ATP2B3: variants seen among roughly 807,000 people sequenced by gnomAD.
ATP2B3 encodes the protein plasma membrane calcium-transporting ATPase 3.
ATP2B3 carries 12 observed loss-of-function variants against 70.8 expected under a neutral mutation model. That is an observed-to-expected ratio of 0.17 (90% CI 0.11 to 0.27). The LOEUF is 0.27. ATP2B3 is among the 10% of genes least tolerant of loss of function. ATP2B3 has a pLI of 1.00. For missense variants in ATP2B3, 858 were observed against 1,118.5 expected, an observed-to-expected ratio of 0.77 and a Z score of 3.32; for synonymous variants, 460 against 497.8, an observed-to-expected ratio of 0.92 and a Z score of 1.01.
chrX:153,521,107 C>T (rs782656386), intron 2 of ATP2B3, among the ~76,000 whole-genome samples: 9 of 113,217 alleles, frequency 7.9e-5, no homozygotes, highest in Admixed American at 1.9e-4. Flanking sequence ...CCCTCTAAGC[C>T]TCTTGCTGTG....
intron 3 of ATP2B3, among the ~76,000 whole-genome samples, chrX:153,539,316 G>A (rs1439068212): frequency 8.9e-6 from 1 of 112,709 alleles, no homozygotes; most frequent in Non-Finnish European, 1.9e-5. Context: ...GAGGCCTTTG[G>A]CTCCTGAAGA....
At chrX:153,542,021 C>T (rs2090290161) in intron 5 of ATP2B3, 95 bp downstream of exon 5, 1 of 1,064,113 alleles carries the variant, frequency 9.4e-7, no homozygotes, top group Non-Finnish European at 1.2e-6. Flanking sequence ...CAGGTTCTCC[C>T]CGGTGGCCTG....
At chrX:153,553,477 C>A (rs1415684268) in intron 13 of ATP2B3, among the ~76,000 whole-genome samples, 1 of 112,088 alleles carries the variant, frequency 8.9e-6, no homozygotes, top group African/African-American at 3.2e-5. Flanking sequence ...GACCTATGGG[C>A]CCAGCTCAGG....
chrX:153,560,946 C>A, intron 19 of ATP2B3, 59 bp downstream of exon 19: 1 of 1,168,355 alleles, frequency 8.6e-7, no homozygotes, highest in Non-Finnish European at 1.2e-6. Context: ...AGGTGGTGGG[C>A]TTCAAGACCC....
At chrX:153,553,310 C>T (rs1557012401) in intron 13 of ATP2B3, 41 bp downstream of exon 13, 1 of 1,135,234 alleles carries the variant, frequency 8.8e-7, no homozygotes, top group Admixed American at 2.2e-5. Context: ...GGTAACTGTG[C>T]CCTCTGCCCG....
chrX:153,539,293 C>A (rs181591768), intron 3 of ATP2B3, among the ~76,000 whole-genome samples: 2 of 112,377 alleles, frequency 1.8e-5, no homozygotes, highest in Admixed American at 1.9e-4. Flanking sequence ...GGGGCAGGCT[C>A]GGGCCTCAGC....
intron 13 of ATP2B3, 133 bp downstream of exon 13, chrX:153,553,402 G>C: frequency 1.8e-6 from 1 of 544,013 alleles, no homozygotes; most frequent in Non-Finnish European, 2.9e-6. Context: ...GCCCCGTCCT[G>C]GGTGCTCTCA....
rs1487303591 is a variant in ATP2B3 at position 153,518,187 on chromosome X, C to T, written c.-246-245C>T. Reference sequence around the variant, plus strand: ...CCCTTGGGGGCTGCGGGCCGGGGCTCAGGGTGGGCGCAGCCGGGGGCGCGG... The same window carrying T: ...CCCTTGGGGGCTGCGGGCCGGGGCTTAGGGTGGGCGCAGCCGGGGGCGCGG... On this transcript the variant is annotated intron_variant, in intron 1 of 21. Coordinates refer to ENST00000263519, the MANE Select transcript of ATP2B3 (RefSeq NM_001001344.3). Among the ~76,000 whole-genome samples, 12 of 112,881 alleles carry T rather than the reference C, an allele frequency of 1.1e-4. No homozygotes were observed. In the South Asian group the frequency reaches 4.2e-3, roughly 40 times the overall value.
At chrX:153,549,052 G>C (rs1259837197) in intron 10 of ATP2B3, among the ~76,000 whole-genome samples, 198 bp downstream of exon 10, 1 of 109,364 alleles carries the variant, frequency 9.1e-6, no homozygotes, top group Non-Finnish European at 1.9e-5. Flanking sequence ...GGGCCAGAAA[G>C]CAGGCAGGCG....
chrX:153,565,792 G>A (rs2090698245), intron 21 of ATP2B3, among the ~76,000 whole-genome samples: 1 of 112,348 alleles, frequency 8.9e-6, no homozygotes, highest in African/African-American at 3.2e-5. Context: ...ACCCCTCCCT[G>A]GAACTCTCTT....
rs1312314070 is a variant in ATP2B3, at chrX:153,578,433, C to T, written c.3343-1545C>T. ...GCGGCTGTGCTGACACTGGCCTGTG[C>T]GAGGCCAGGCAGAGGCCTCCCCATC... On this transcript the variant is annotated intron_variant, in intron 21 of 21. Coordinates refer to ENST00000263519, the MANE Select transcript of ATP2B3 (RefSeq NM_001001344.3). 1.2e-4 allele frequency among the ~76,000 whole-genome samples: 14 copies of T among 112,829 alleles called. No individual in the cohort carries two copies. In the East Asian group the frequency reaches 1.7e-3, roughly 14 times the overall value.
In ATP2B3 at chrX:153,580,040, G is replaced by A. The variant is rs781892018; in HGVS notation, c.3405G>A (p.Lys1135=). 8.3e-7 allele frequency: 1 copy of A among 1,209,888 alleles called. No individual in the cohort carries two copies. The highest frequency in any genetic ancestry group is 1.8e-5 in the African/African-American group (1 of 57,050). The change falls in exon 22 of 22, where the codon AAG becomes AAA. Residue 1135 remains lysine, a synonymous_variant. Transcript: ENST00000263519. ...AAGGCCTGGAGAAACCAGAATCCAAGACCTCCATTCACAACTTCATGGCCA... is the reference window on the plus strand; with the variant it reads ...AAGGCCTGGAGAAACCAGAATCCAAAACCTCCATTCACAACTTCATGGCCA... The part of the protein sequence containing the change: ...LYEGLEKPES[K]TSIHNFMATP...
chrX:153,526,866 A>G (rs782277030), intron 2 of ATP2B3, among the ~76,000 whole-genome samples: 1 of 111,862 alleles, frequency 8.9e-6, no homozygotes, highest in African/African-American at 3.3e-5. Context: ...ACACCAATGC[A>G]TCCCCCCAGC....
chrX:153,569,534 C>A, intron 21 of ATP2B3: 1 of 1,155,427 alleles, frequency 8.7e-7, no homozygotes, highest in Non-Finnish European at 1.2e-6. Flanking sequence ...TATCCTCGCC[C>A]AGCCCTCCCC....
At position 153,549,589 on chromosome X, in the gene ATP2B3, G is replaced by A. The variant is rs782466722; in HGVS notation, c.1431G>A (p.Thr477=). The A allele has an allele frequency of 3.0e-5, 36 of 1,210,953 alleles. No homozygotes were observed. The Admixed American group carries it at 3.3e-4, about 11-fold the overall frequency. ...CCATCTGCTCCGACAAGACGGGCAC[G>A]CTCACCACCAACCGTATGACCGTGG... The part of the protein sequence containing the change: ...ATAICSDKTG[T]LTTNRMTVVQ... Residue 477 remains threonine, a synonymous_variant, in exon 11 of 22, where the codon ACG becomes ACA. Coordinates refer to ENST00000263519, the MANE Select transcript of ATP2B3 (RefSeq NM_001001344.3).
At chrX:153,572,763 C>G (rs2090807764) in intron 21 of ATP2B3, among the ~76,000 whole-genome samples, 1 of 111,737 alleles carries the variant, frequency 8.9e-6, no homozygotes, top group Non-Finnish European at 1.9e-5. Context: ...CACACTCACA[C>G]ACCGAGGCCA....
In ATP2B3 at chrX:153,570,994, G is replaced by A. The variant is rs930346384; in HGVS notation, c.3342+5891G>A. 1.0e-4 allele frequency among the ~76,000 whole-genome samples: 8 copies of A among 77,342 alleles called. No individual in the cohort carries two copies. The South Asian group carries it at 2.7e-3, about 26-fold the overall frequency. 67.2% of individuals were successfully genotyped at this position (77,342 alleles called of 115,157 possible). On this transcript the variant is annotated intron_variant, in intron 21 of 21. Coordinates refer to ENST00000263519, the MANE Select transcript of ATP2B3 (RefSeq NM_001001344.3). ...CCTGTCCCCCTTGGGAACAGAGCACGTGCGCGCGTACACACACACACACAC... is the reference window on the plus strand; with the variant it reads ...CCTGTCCCCCTTGGGAACAGAGCACATGCGCGCGTACACACACACACACAC...
intron 2 of ATP2B3, among the ~76,000 whole-genome samples, chrX:153,527,368 C>T (rs2090050155): frequency 8.8e-6 from 1 of 113,203 alleles, no homozygotes. Flanking sequence ...TCCCTGCCTT[C>T]GGGGCTGCTG....
intron 16 of ATP2B3, among the ~76,000 whole-genome samples, chrX:153,557,885 C>CA (rs1569535145): frequency 1.9e-5 from 2 of 107,512 alleles, no homozygotes; most frequent in Non-Finnish European, 3.9e-5. Context: ...GAGCAAAGCC[C>CA]CCCCCCCCAC....
Sources: gnomAD v4.1 joint callset for allele counts (sites outside exome capture counted in the v4.1 genomes callset) on GRCh38, gnomAD v4.1.1 for gene constraint, MANE v1.5 for transcripts, NCBI Gene and HGNC (gene_info 2026-07-23, HGNC 2026-07-21) for gene names.